Variants in NUP188 observed in about 807,000 individuals in gnomAD.
The protein encoded by NUP188 is nucleoporin NUP188.
In NUP188, 97 loss-of-function variants were observed where a neutral mutation model predicts 223.0. That is an observed-to-expected ratio of 0.43 (90% CI 0.37 to 0.51). The LOEUF is 0.51. Ranked by LOEUF, NUP188 falls within the 20% of genes least tolerant of loss-of-function variation. NUP188 has a pLI of 0.00. For missense variants in NUP188, 1,947 were observed against 2,175.6 expected, an observed-to-expected ratio of 0.89 and a Z score of 2.09; for synonymous variants, 869 against 828.0, an observed-to-expected ratio of 1.05 and a Z score of -0.85.
chr9:128,952,221 A>AC lies in NUP188; in HGVS notation c.88-548dup, dbSNP rs565394616. ...AGACCAGCTTGGACAATATGGTGAA[A>AC]CCCCATCTCTACTAAAAATACAAAA... On this transcript the variant is annotated intron_variant, in intron 2 of 43. Coordinates refer to ENST00000372577, the MANE Select transcript of NUP188 (RefSeq NM_015354.3). 1.7e-3 allele frequency among the ~76,000 whole-genome samples: 258 copies of AC among 148,774 alleles called. 3 individuals are homozygous for AC. Among genetic ancestry groups the AC allele is most frequent in the Middle Eastern group, 0.01 (3 of 292 alleles).
chr9:128,953,658 A>G (rs911885684), intron 3 of NUP188, among the ~76,000 whole-genome samples: 2 of 152,180 alleles, frequency 1.3e-5, no homozygotes, highest in African/African-American at 2.4e-5. Context: ...TCTAAAATAC[A>G]TGGACTTTTT....
chr9:128,968,421 G>A, intron 8 of NUP188, 85 bp from the exon 9 acceptor site: 2 of 1,020,548 alleles, frequency 2.0e-6, no homozygotes, highest in Non-Finnish European at 3.0e-6. Context: ...GACAGATTGA[G>A]ACCCTTTCTT....
Position 128,969,492 on chromosome 9 carries a change from C to T in NUP188, c.890C>T (p.Ala297Val), listed in dbSNP as rs760660735. The change falls in exon 10 of 44, where the codon GCG becomes GTG. Residue 297 changes from alanine (A) to valine (V), a missense_variant. Coordinates refer to ENST00000372577, the MANE Select transcript of NUP188 (RefSeq NM_015354.3). ...GACAGAAGAGAACTGCATCAGTTTGCGCAGGATGGGCTTATTTGTCAGGTG... is the reference window on the plus strand; with the variant it reads ...GACAGAAGAGAACTGCATCAGTTTGTGCAGGATGGGCTTATTTGTCAGGTG... The part of the protein sequence containing the change: ...LDDRRELHQF[A>V]QDGLICQDMD... 14 of 1,577,888 alleles carry T rather than the reference C, an allele frequency of 8.9e-6. No individual in the cohort carries two copies. Among genetic ancestry groups the T allele is most frequent in the African/African-American group, 2.8e-5 (2 of 72,656 alleles).
chr9:128,971,150 C>T (rs913963865), intron 11 of NUP188, among the ~76,000 whole-genome samples, 192 bp downstream of exon 11: 2 of 152,054 alleles, frequency 1.3e-5, no homozygotes, highest in African/African-American at 4.8e-5. Context: ...AACACTTCTT[C>T]GTGTTAAAGA....
chr9:128,992,661 C>T (rs1207361545), intron 25 of NUP188, among the ~76,000 whole-genome samples: 8 of 152,056 alleles, frequency 5.3e-5, no homozygotes, highest in Non-Finnish European at 2.9e-5. Flanking sequence ...CATATCACAT[C>T]CTAGAATGGA....
Position 129,002,840 on chromosome 9 carries a change from C to G in NUP188, c.4161C>G (p.Ser1387=). 1 of 1,614,156 alleles carries G rather than the reference C, an allele frequency of 6.2e-7. No homozygotes were observed. The highest frequency in any genetic ancestry group is 8.5e-7 in the Non-Finnish European group (1 of 1,180,026). ...TAQTPSASRK[S]LDAPSWPGVY... is the part of the protein sequence containing the mutation. ...AGACACCTAGTGCCTCTCGGAAGTCCCTGGATGCCCCCTCTTGGCCAGGAG... is the reference window on the plus strand; with the variant it reads ...AGACACCTAGTGCCTCTCGGAAGTCGCTGGATGCCCCCTCTTGGCCAGGAG... The change falls in exon 37 of 44, where the codon TCC becomes TCG. Residue 1387 remains serine, a synonymous_variant. Coordinates refer to ENST00000372577, the MANE Select transcript of NUP188 (RefSeq NM_015354.3).
At chr9:128,956,210 T>TGTGCGTGC in intron 3 of NUP188, 140 bp from the exon 4 acceptor site, 1 of 440,606 alleles carries the variant, frequency 2.3e-6, no homozygotes, top group Non-Finnish European at 4.1e-6. Flanking sequence ...TGTGTGTGTG[T>TGTGCGTGC]GCGTGTGTGT....
At chr9:128,955,875 G>A (rs780575482) in intron 3 of NUP188, among the ~76,000 whole-genome samples, 3 of 151,440 alleles carry the variant, frequency 2.0e-5, no homozygotes, top group Non-Finnish European at 4.4e-5. Flanking sequence ...AGGCCTTCTC[G>A]GTGGACAGAG....
rs1842607327 is a variant in NUP188, at chr9:128,999,778, G to A, written c.3816G>A (p.Arg1272=). 1 of 1,614,084 alleles carries A rather than the reference G, an allele frequency of 6.2e-7. No homozygotes were observed. The highest frequency in any genetic ancestry group is 8.5e-7 in the Non-Finnish European group (1 of 1,180,048). Residue 1272 remains arginine (R), a synonymous_variant, in exon 34 of 44, where the codon CGG becomes CGA. Coordinates refer to ENST00000372577, the MANE Select transcript of NUP188 (RefSeq NM_015354.3). ...KDSMETDDCS[R]SRHRDQRDGV... ...GCATGGAGACTGACGACTGTTCTCG[G>A]TCCCGGCACAGGGACCAGCGTGATG...
At chr9:128,961,240 G>T (rs1376770812) in intron 8 of NUP188, among the ~76,000 whole-genome samples, 1 of 152,018 alleles carries the variant, frequency 6.6e-6, no homozygotes, top group Non-Finnish European at 1.5e-5. Flanking sequence ...TAAGGCAGGA[G>T]AATTGCTTGA....
At chr9:128,966,465 C>T (rs1282655164) in intron 8 of NUP188, among the ~76,000 whole-genome samples, 1 of 151,914 alleles carries the variant, frequency 6.6e-6, no homozygotes, top group African/African-American at 2.4e-5. Flanking sequence ...CAGCCTTGAC[C>T]TCCTGGGCTC....
intron 5 of NUP188, 64 bp from the exon 6 acceptor site, chr9:128,957,944 ATC>A: frequency 8.5e-7 from 1 of 1,174,954 alleles, no homozygotes; most frequent in Non-Finnish European, 1.2e-6. Context: ...GAAGGTATCT[ATC>A]TTTTTTTATT....
intron 25 of NUP188, 71 bp from the exon 26 acceptor site, chr9:128,993,126 C>T: frequency 7.7e-7 from 1 of 1,294,890 alleles, no homozygotes; most frequent in Non-Finnish European, 1.1e-6. Flanking sequence ...TCTTCAGTGC[C>T]CTTCTGTGGG....
intron 24 of NUP188, among the ~76,000 whole-genome samples, chr9:128,988,719 A>ATTTTTTTTT (rs528821221): frequency 8.8e-4 from 64 of 72,876 alleles, no homozygotes; most frequent in East Asian, 3.6e-3. Context: ...TAATTTTTTA[A>ATTTTTTTTT]TTTTTTTTTT....
At position 129,001,933 on chromosome 9, in the gene NUP188, C is replaced by T; in HGVS notation, c.4094C>T (p.Pro1365Leu). 1 of 1,614,162 alleles carries T rather than the reference C, an allele frequency of 6.2e-7. No individual in the cohort carries two copies. Among genetic ancestry groups the T allele is most frequent in the African/African-American group, 1.3e-5 (1 of 75,034 alleles). The change falls in exon 36 of 44, where the codon CCC (proline) becomes CTC (leucine). Residue 1365 changes from proline to leucine, a missense_variant. Physicochemically the swap from Pro to Leu is moderately conservative, Grantham distance 98. Coordinates refer to ENST00000372577, the MANE Select transcript of NUP188 (RefSeq NM_015354.3). The stretch of plus-strand genomic sequence containing the variant: ...GGCATCACCCAGAGCATTTGTTTGC[C>T]CCTTCTGAGTGTGTACCAGCTGAGC... ...GAGITQSICL[P>L]LLSVYQLSTN...
intron 20 of NUP188, 49 bp from the exon 21 acceptor site, chr9:128,986,509 T>C: frequency 6.3e-7 from 1 of 1,584,370 alleles, no homozygotes. Flanking sequence ...GGTAACTAAA[T>C]GACTTTTCCT....
intron 12 of NUP188, among the ~76,000 whole-genome samples, chr9:128,974,463 C>G (rs1411222372): frequency 7.6e-5 from 11 of 144,356 alleles, no homozygotes; most frequent in African/African-American, 2.9e-4. Flanking sequence ...TGGGCTTAAG[C>G]TGTCCATCCC....
intron 1 of NUP188, chr9:128,948,628 G>A (rs1841726904): frequency 6.6e-6 from 1 of 151,128 alleles, no homozygotes; most frequent in South Asian, 2.1e-4. Context: ...GCAGCTCGAA[G>A]GTCTTCGTTC....
At position 128,988,198 on chromosome 9, in the gene NUP188, T is replaced by A. The variant is rs1488077328; in HGVS notation, c.2533+12T>A. The A allele has an allele frequency of 6.2e-7, 1 of 1,613,828 alleles. No individual in the cohort carries two copies. Among genetic ancestry groups the A allele is most frequent in the Non-Finnish European group, 8.5e-7 (1 of 1,179,864 alleles). ...TCTCTCACAACATGGTATGTATTTC[T>A]CTTCCAGTCACAACATGGTATGTAT... On this transcript the variant is annotated intron_variant, in intron 24 of 43. Transcript: ENST00000372577.
Sources: gnomAD v4.1 joint callset for allele counts (sites outside exome capture counted in the v4.1 genomes callset) on GRCh38, gnomAD v4.1.1 for gene constraint, MANE v1.5 for transcripts, NCBI Gene and HGNC (gene_info 2026-07-23, HGNC 2026-07-21) for gene names.